The following WWOX variants were observed in gnomAD, a reference collection of about 807,000 sequenced individuals.
WWOX encodes the protein WW domain-containing oxidoreductase.
WWOX carries 69 observed loss-of-function variants against 46.2 expected under a neutral mutation model. The observed-to-expected ratio is 1.49, with a 90% confidence interval of 1.23 to 1.82. The LOEUF is 1.82. WWOX is among the 40% of genes most tolerant of loss of function. The pLI is 0.00. For synonymous variants in WWOX, 359 were observed against 202.6 expected (o/e 1.77, Z -6.56); for missense variants, 919 against 542.6 (o/e 1.69, Z -6.89).
chr16:78,197,094 A>G (rs1340662982), intron 5 of WWOX, among the ~76,000 whole-genome samples: 1 of 152,174 alleles, frequency 6.6e-6, no homozygotes, highest in African/African-American at 2.4e-5. Context: ...CGTATCAGCC[A>G]CTTGACCTCC....
In WWOX at chr16:78,594,429, G is replaced by GCCCCCCCCCCCCCC. The variant is rs138806967; in HGVS notation, c.1056+161680_1056+161693dup. On this transcript the variant is annotated intron_variant, in intron 8 of 8. Transcript: ENST00000566780. ...TCTTGACGAAGAAGACTGAGGAAAG[G>GCCCCCCCCCCCCCC]CCCCCCCCCCCCCCCCGCCAAATTG... is the stretch of plus-strand genomic sequence containing the variant. Among the ~76,000 whole-genome samples, 45 of 32,390 alleles carry GCCCCCCCCCCCCCC rather than the reference G, an allele frequency of 1.4e-3. 2 individuals carry two copies. Among genetic ancestry groups the GCCCCCCCCCCCCCC allele is most frequent in the African/African-American group, 2.4e-3 (18 of 7,374 alleles). 21.2% of individuals were successfully genotyped at this position (32,390 alleles called of 152,430 possible). A position where few individuals can be genotyped will look rare whatever the true frequency, so the allele number is the denominator to read the frequency against.
chr16:78,317,164 A>G (rs1416713615), intron 5 of WWOX, among the ~76,000 whole-genome samples: 1 of 152,178 alleles, frequency 6.6e-6, no homozygotes, highest in Non-Finnish European at 1.5e-5. Flanking sequence ...GCTTCTGGAA[A>G]GAAGTTGTGT....
chr16:78,968,991 A>G (rs775422861), intron 8 of WWOX, among the ~76,000 whole-genome samples: 1 of 151,878 alleles, frequency 6.6e-6, no homozygotes, highest in African/African-American at 2.4e-5. Flanking sequence ...ATAGAACTTT[A>G]TATTTCCAGA....
At chr16:78,195,004 G>A (rs369087458) in intron 5 of WWOX, among the ~76,000 whole-genome samples, 4 of 152,280 alleles carry the variant, frequency 2.6e-5, no homozygotes, top group African/African-American at 7.2e-5. Context: ...GAAGGCACAC[G>A]TGGCCTTGCT....
chr16:79,011,499 ATTTATTTT>A (rs1439081870), intron 8 of WWOX, among the ~76,000 whole-genome samples: 9 of 142,246 alleles, frequency 6.3e-5, no homozygotes, highest in Non-Finnish European at 1.4e-4. Flanking sequence ...TTATTTATTT[ATTTATTTT>A]TTGAGACAGG....
chr16:78,317,165 G>T (rs1299337912), intron 5 of WWOX, among the ~76,000 whole-genome samples: 1 of 152,180 alleles, frequency 6.6e-6, no homozygotes, highest in African/African-American at 2.4e-5. Context: ...CTTCTGGAAA[G>T]AAGTTGTGTT....
chr16:78,434,958 T>C (rs2083302540), intron 8 of WWOX, among the ~76,000 whole-genome samples: 1 of 152,192 alleles, frequency 6.6e-6, no homozygotes, highest in Admixed American at 6.5e-5. Context: ...TTTTATTTAT[T>C]GGAGAAGAGT....
chr16:78,108,312 T>A lies in WWOX; in HGVS notation c.108-111T>A, dbSNP rs4887937. The A allele has an allele frequency of 1.2e-4, 121 of 1,050,246 alleles. No individual in the cohort carries two copies. The highest frequency in any genetic ancestry group is 5.0e-4 in the Middle Eastern group (2 of 3,996). The allele number at this position is 1,050,246 out of a possible 1,614,324, so 65.1% of individuals were successfully genotyped here. A position where few individuals can be genotyped will look rare whatever the true frequency, so the allele number is the denominator to read the frequency against. On this transcript the variant is annotated intron_variant, in intron 1 of 8. Transcript: ENST00000566780. ...CAGTCCTCTTTCTCCTTCTTCCCCC[T>A]ACTTCCTTCTTATATCTGGCTATCT...
intron 5 of WWOX, among the ~76,000 whole-genome samples, chr16:78,298,713 C>T (rs967132616): frequency 6.6e-6 from 1 of 151,568 alleles, no homozygotes; most frequent in African/African-American, 2.4e-5. Flanking sequence ...ATCGCTTAAA[C>T]CTGGGAGGCG....
chr16:78,440,612 G>GTTTTTTTTTTTTTTTTTTTTT (rs57345113), intron 8 of WWOX, among the ~76,000 whole-genome samples: 1 of 144,622 alleles, frequency 6.9e-6, no homozygotes, highest in Non-Finnish European at 1.5e-5. Flanking sequence ...AATTTCTGTA[G>GTTTTTTTTTTTTTTTTTTTTT]TTTTTTTTTT....
chr16:79,211,221 A>G (rs962069874), intron 8 of WWOX, among the ~76,000 whole-genome samples: 7 of 152,174 alleles, frequency 4.6e-5, no homozygotes, highest in African/African-American at 1.7e-4. Flanking sequence ...ACGATTTGGT[A>G]TCGAATTACA....
chr16:78,126,678 C>G (rs1372629561), intron 4 of WWOX, among the ~76,000 whole-genome samples: 2 of 152,214 alleles, frequency 1.3e-5, no homozygotes, highest in Non-Finnish European at 2.9e-5. Flanking sequence ...ATTGGCCTAA[C>G]TCCTCAGTTT....
intron 8 of WWOX, among the ~76,000 whole-genome samples, chr16:78,981,252 T>C (rs543920033): frequency 1.3e-5 from 2 of 152,176 alleles, no homozygotes; most frequent in African/African-American, 4.8e-5. Flanking sequence ...TGCCCTCTTA[T>C]TAGGATTTCT....
chr16:78,453,656 A>G (rs2151415393), intron 8 of WWOX, among the ~76,000 whole-genome samples: 1 of 151,838 alleles, frequency 6.6e-6, no homozygotes, highest in African/African-American at 2.4e-5. Context: ...TTTTTTTTTT[A>G]CTCTGTTTAT....
chr16:78,929,849 C>T lies in WWOX; in HGVS notation c.1057-281759C>T, dbSNP rs975537664. 2.0e-5 allele frequency among the ~76,000 whole-genome samples: 3 copies of T among 152,306 alleles called. No homozygotes were observed. The South Asian group carries it at 6.2e-4, about 32-fold the overall frequency. ...TTCAGGTGCAGGAAATGCGATTGTGCACGGACCCTTGCCTTTTTACCCAGT... is the reference window on the plus strand; with the variant it reads ...TTCAGGTGCAGGAAATGCGATTGTGTACGGACCCTTGCCTTTTTACCCAGT... On this transcript the variant is annotated intron_variant, in intron 8 of 8. Transcript: ENST00000566780.
At chr16:78,355,758 CA>C (rs1411931085) in intron 5 of WWOX, 2 of 710,762 alleles carry the variant, frequency 2.8e-6, no homozygotes, top group Admixed American at 3.8e-5. Flanking sequence ...TATGAATCAA[CA>C]AAACAGAATA....
chr16:79,211,390 A>G (rs1237496440), intron 8 of WWOX, among the ~76,000 whole-genome samples: 2 of 152,208 alleles, frequency 1.3e-5, no homozygotes, highest in Non-Finnish European at 2.9e-5. Flanking sequence ...AAGTTACACC[A>G]GCTTTACAAG....
intron 8 of WWOX, among the ~76,000 whole-genome samples, chr16:78,825,130 C>G (rs961227210): frequency 1.3e-4 from 20 of 152,208 alleles, no homozygotes; most frequent in East Asian, 9.7e-4. Context: ...AAGTGAGTTT[C>G]ATAAGGTCAT....
At chr16:78,776,423 G>C (rs982596697) in intron 8 of WWOX, among the ~76,000 whole-genome samples, 1 of 152,074 alleles carries the variant, frequency 6.6e-6, no homozygotes, top group African/African-American at 2.4e-5. Context: ...CTGTTCGTCA[G>C]TTTTCTCATC....
Sources: allele counts gnomAD v4.1 joint callset (sites outside exome capture counted in the v4.1 genomes callset), GRCh38; gene constraint gnomAD v4.1.1; transcripts MANE v1.5; gene names NCBI Gene and HGNC (gene_info 2026-07-23, HGNC 2026-07-21).